Variants in NPAS3 observed in about 807,000 individuals in gnomAD.
NPAS3 encodes neuronal PAS domain protein 3, also known as neuronal PAS domain-containing protein 3.
A neutral mutation model predicts 73.1 loss-of-function variants in NPAS3; 14 were observed. The ratio of observed to expected loss-of-function variants is 0.19; its 90% CI spans 0.13 to 0.30. The LOEUF (loss-of-function observed/expected upper bound fraction) is 0.30, where lower values mean the gene tolerates loss of function less well. Ranked by LOEUF, NPAS3 falls within the 10% of genes least tolerant of loss-of-function variation. The probability of loss-of-function intolerance (pLI) is 1.00; values close to 1 mark genes in which losing one functional copy is unlikely to be tolerated. For synonymous variants in NPAS3, 620 were observed against 541.5 expected (o/e 1.14, Z -2.01); for missense variants, 1,096 against 1,250.0 (o/e 0.88, Z 1.86).
chr14:33,269,878 C>G (rs2040990492), intron 3 of NPAS3, among the ~76,000 whole-genome samples: 1 of 152,102 alleles, frequency 6.6e-6, no homozygotes. Flanking sequence ...ATTTACAGAA[C>G]TATGCAAATT....
chr14:33,595,815 T>C lies in NPAS3; in HGVS notation c.558+35605T>C, dbSNP rs563830190. ...CCTCCCAACTAGCTGGGACTACAGGTGCCCGCCACCACGCCTGGCTGATTT... is the reference window on the plus strand; with the variant it reads ...CCTCCCAACTAGCTGGGACTACAGGCGCCCGCCACCACGCCTGGCTGATTT... On this transcript the variant is annotated intron_variant, in intron 5 of 11. Transcript: ENST00000356141. Among the ~76,000 whole-genome samples the C allele has an allele frequency of 5.3e-5, 8 of 152,156 alleles. No individual in the cohort carries two copies. The South Asian group carries it at 8.3e-4, about 16-fold the overall frequency.
chr14:33,094,366 T>G (rs1028906661), intron 2 of NPAS3, among the ~76,000 whole-genome samples: 2 of 152,198 alleles, frequency 1.3e-5, no homozygotes, highest in Admixed American at 6.5e-5. Context: ...TTATTTATGG[T>G]AAACCAATAT....
At chr14:33,068,966 C>T (rs535084868) in intron 2 of NPAS3, among the ~76,000 whole-genome samples, 3 of 152,044 alleles carry the variant, frequency 2.0e-5, no homozygotes, top group Admixed American at 6.6e-5. Flanking sequence ...GGAGGGACTT[C>T]GGCTTTTGTT....
intron 1 of NPAS3, among the ~76,000 whole-genome samples, chr14:33,052,792 A>T (rs745392521): frequency 6.6e-6 from 1 of 152,050 alleles, no homozygotes; most frequent in Non-Finnish European, 1.5e-5. Context: ...TTCTGTCTAT[A>T]ATTTTGAATT....
At chr14:32,966,900 G>A (rs2037195670) in intron 1 of NPAS3, among the ~76,000 whole-genome samples, 1 of 151,892 alleles carries the variant, frequency 6.6e-6, no homozygotes, top group Admixed American at 6.6e-5. Context: ...AAAAGCACAG[G>A]CAACAAAAGC....
chr14:33,428,787 T>C (rs889273060), intron 4 of NPAS3, among the ~76,000 whole-genome samples: 2 of 152,116 alleles, frequency 1.3e-5, no homozygotes, highest in African/African-American at 4.8e-5. Flanking sequence ...TTGTCATTGA[T>C]TTGTATAAGA....
chr14:33,548,559 T>C (rs1019962808), intron 4 of NPAS3, among the ~76,000 whole-genome samples: 2 of 152,250 alleles, frequency 1.3e-5, no homozygotes, highest in Non-Finnish European at 2.9e-5. Context: ...TTGTAGGATG[T>C]GTAATGCTAT....
intron 6 of NPAS3, among the ~76,000 whole-genome samples, chr14:33,696,437 C>T (rs1392880469): frequency 6.6e-6 from 1 of 152,152 alleles, no homozygotes; most frequent in East Asian, 1.9e-4. Context: ...CATCGAAAGA[C>T]ATAATAAACA....
chr14:33,376,291 T>A (rs557172390), intron 4 of NPAS3, among the ~76,000 whole-genome samples: 4 of 152,194 alleles, frequency 2.6e-5, no homozygotes, highest in Non-Finnish European at 5.9e-5. Flanking sequence ...AAGTTTAACA[T>A]CTTTTATTTA....
In NPAS3 at chr14:33,215,895, G is replaced by A. The variant is rs187455854; in HGVS notation, c.385+469G>A. 2.0e-5 allele frequency among the ~76,000 whole-genome samples: 3 copies of A among 152,198 alleles called. No individual in the cohort carries two copies. In the East Asian group the frequency reaches 5.8e-4, roughly 29 times the overall value. ...TATTGACCAATGAAAATCAATCTAT[G>A]TATTAGTGTTTCAATTTTCTCTATA... is the stretch of plus-strand genomic sequence containing the variant. On this transcript the variant is annotated intron_variant, in intron 3 of 11. Transcript: ENST00000356141.
At chr14:33,216,253 T>G (rs544416996) in intron 3 of NPAS3, among the ~76,000 whole-genome samples, 2 of 152,310 alleles carry the variant, frequency 1.3e-5, no homozygotes, top group African/African-American at 4.8e-5. Context: ...GAAATAAAAC[T>G]GGGCATTTGG....
chr14:33,707,338 T>TC (rs1279415932), intron 6 of NPAS3, among the ~76,000 whole-genome samples: 4 of 90,046 alleles, frequency 4.4e-5, no homozygotes, highest in Non-Finnish European at 1.0e-4. Flanking sequence ...TTCTTTTTCT[T>TC]CTTTTTTTTT....
At chr14:33,795,980 T>C (rs1056013900) in intron 10 of NPAS3, among the ~76,000 whole-genome samples, 13 of 152,120 alleles carry the variant, frequency 8.5e-5, no homozygotes, top group African/African-American at 3.1e-4. Context: ...CTGTAAATTG[T>C]AGGGCAAGTG....
intron 2 of NPAS3, among the ~76,000 whole-genome samples, chr14:33,203,391 G>C (rs576084511): frequency 6.6e-6 from 1 of 151,976 alleles, no homozygotes; most frequent in Non-Finnish European, 1.5e-5. Context: ...GTGCCAGTTA[G>C]TTATGTATGT....
chr14:33,242,794 C>G (rs927477022), intron 3 of NPAS3, among the ~76,000 whole-genome samples: 9 of 152,128 alleles, frequency 5.9e-5, no homozygotes, highest in African/African-American at 2.2e-4. Context: ...TTTGTGCTTA[C>G]ATTGCTCCAA....
At chr14:33,683,968 T>G (rs2060013499) in intron 6 of NPAS3, among the ~76,000 whole-genome samples, 1 of 152,198 alleles carries the variant, frequency 6.6e-6, no homozygotes, top group African/African-American at 2.4e-5. Flanking sequence ...GTGTTATCCT[T>G]GTCTTACAGC....
chr14:33,536,979 C>T (rs915197578), intron 4 of NPAS3, among the ~76,000 whole-genome samples: 1 of 152,114 alleles, frequency 6.6e-6, no homozygotes, highest in Non-Finnish European at 1.5e-5. Flanking sequence ...GTTTTCCTGA[C>T]AGTCTATTCA....
chr14:33,514,519 A>T (rs1254059873), intron 4 of NPAS3, among the ~76,000 whole-genome samples: 1 of 152,058 alleles, frequency 6.6e-6, no homozygotes, highest in Non-Finnish European at 1.5e-5. Flanking sequence ...AAAAGGCATA[A>T]GTAAGTTGAT....
chr14:33,218,546 T>C (rs2047308916), intron 3 of NPAS3, among the ~76,000 whole-genome samples: 1 of 152,214 alleles, frequency 6.6e-6, no homozygotes, highest in Non-Finnish European at 1.5e-5. Flanking sequence ...CTTATATAAA[T>C]AGCCTGCAGC....
Sources: gnomAD v4.1 joint callset for allele counts (sites outside exome capture counted in the v4.1 genomes callset) on GRCh38, gnomAD v4.1.1 for gene constraint, MANE v1.5 for transcripts, NCBI Gene and HGNC (gene_info 2026-07-23, HGNC 2026-07-21) for gene names.